Variants in TULP4 observed in about 807,000 individuals in gnomAD.
TULP4 encodes the protein TUB like protein 4.
TULP4 carries 16 observed loss-of-function variants against 129.0 expected under a neutral mutation model. That is an observed-to-expected ratio of 0.12 (90% CI 0.08 to 0.19). The LOEUF (loss-of-function observed/expected upper bound fraction) is 0.19, where lower values mean the gene tolerates loss of function less well. Ranked by LOEUF, TULP4 falls within the 10% of genes least tolerant of loss-of-function variation. The pLI is 1.00. For missense variants in TULP4, 1,842 were observed against 2,059.1 expected, an observed-to-expected ratio of 0.89 and a Z score of 2.04; for synonymous variants, 998 against 854.0, an observed-to-expected ratio of 1.17 and a Z score of -2.94.
chr6:158,277,208 TG>T (rs1778663154), intron 1 of TULP4, among the ~76,000 whole-genome samples: 1 of 152,330 alleles, frequency 6.6e-6, no homozygotes, highest in South Asian at 2.1e-4. Context: ...CCCAAAGTGC[TG>T]GGATTACAGG....
At chr6:158,365,558 G>C (rs1370485015) in intron 1 of TULP4, among the ~76,000 whole-genome samples, 3 of 150,550 alleles carry the variant, frequency 2.0e-5, no homozygotes, top group Non-Finnish European at 4.4e-5. Context: ...CTCACTGCAA[G>C]CTCCGCCTCG....
chr6:158,468,100 G>C (rs631637), intron 6 of TULP4, among the ~76,000 whole-genome samples: 63,538 of 152,056 alleles, frequency 0.42, 14,581 homozygotes, highest in African/African-American at 0.62. Context: ...CTGCTGAGTC[G>C]TGTAAACAGT....
chr6:158,460,501 T>C (rs115490524), intron 5 of TULP4, among the ~76,000 whole-genome samples: 1,654 of 152,334 alleles, frequency 0.011, 32 homozygotes, highest in African/African-American at 0.037. Flanking sequence ...GGCTTTTGTT[T>C]TACCAGCAAG....
intron 6 of TULP4, among the ~76,000 whole-genome samples, chr6:158,478,811 T>C (rs926581877): frequency 6.6e-6 from 1 of 152,328 alleles, no homozygotes; most frequent in East Asian, 1.9e-4. Context: ...GATTTTTTTT[T>C]ATTATAAGAA....
At chr6:158,257,667 G>A (rs1018973582) in intron 1 of TULP4, among the ~76,000 whole-genome samples, 7 of 152,336 alleles carry the variant, frequency 4.6e-5, no homozygotes, top group Middle Eastern at 6.8e-3. Context: ...GTGAATGGAG[G>A]TGCTGTGCCC....
At chr6:158,279,861 C>T (rs1347574687), upstream of TULP4, among the ~76,000 whole-genome samples, 1 of 152,222 alleles carries the variant, frequency 6.6e-6, no homozygotes, top group Non-Finnish European at 1.5e-5. Context: ...TGGAATTCAG[C>T]ATGTGAACCT....
intron 12 of TULP4, among the ~76,000 whole-genome samples, chr6:158,500,540 T>C (rs1780420959): frequency 6.6e-6 from 1 of 152,204 alleles, no homozygotes; most frequent in African/African-American, 2.4e-5. Flanking sequence ...CAGTGGCAGT[T>C]TTCTCTAAGG....
At chr6:158,393,108 C>T (rs998331097) in intron 1 of TULP4, among the ~76,000 whole-genome samples, 7 of 152,102 alleles carry the variant, frequency 4.6e-5, no homozygotes, top group South Asian at 2.1e-4. Context: ...GCTACAGGCC[C>T]CATGCAAGAC....
chr6:158,365,248 T>C (rs945146422), intron 1 of TULP4, among the ~76,000 whole-genome samples: 1 of 152,078 alleles, frequency 6.6e-6, no homozygotes, highest in Non-Finnish European at 1.5e-5. Flanking sequence ...AAGTGTTTTA[T>C]CTCTATTCTA....
chr6:158,375,812 G>A (rs921976789), intron 1 of TULP4, among the ~76,000 whole-genome samples: 1 of 152,218 alleles, frequency 6.6e-6, no homozygotes, highest in Non-Finnish European at 1.5e-5. Flanking sequence ...CCATGAACAA[G>A]AACCCAGGCT....
At chr6:158,492,794 C>T (rs1468238592) in intron 9 of TULP4, among the ~76,000 whole-genome samples, 1 of 152,150 alleles carries the variant, frequency 6.6e-6, no homozygotes, top group African/African-American at 2.4e-5. Flanking sequence ...CTGTTTTAAA[C>T]CTTACCATAC....
chr6:158,249,849 T>C (rs1449472527), intron 1 of TULP4, among the ~76,000 whole-genome samples: 1 of 152,256 alleles, frequency 6.6e-6, no homozygotes, highest in Non-Finnish European at 1.5e-5. Context: ...TTAAAATGCC[T>C]TGAAAAATTT....
chr6:158,241,393 C>T (rs953469517), intron 1 of TULP4, among the ~76,000 whole-genome samples: 3 of 139,564 alleles, frequency 2.1e-5, no homozygotes, highest in Non-Finnish European at 3.2e-5. Flanking sequence ...CCAAGGCAGG[C>T]GGCTGGGAGG....
intron 1 of TULP4, among the ~76,000 whole-genome samples, chr6:158,320,546 C>T (rs1278964895): frequency 6.6e-6 from 1 of 151,756 alleles, no homozygotes; most frequent in East Asian, 1.9e-4. Flanking sequence ...ATTTTTCTGC[C>T]TCAGCCTCCT....
At chr6:158,401,050 T>TTTGTTGTTGTTG (rs199720242) in intron 1 of TULP4, among the ~76,000 whole-genome samples, 36 of 147,208 alleles carry the variant, frequency 2.4e-4, no homozygotes, top group African/African-American at 7.8e-4. Flanking sequence ...GTTTGGGTTT[T>TTTGTTGTTGTTG]TTGTTGTTGT....
chr6:158,458,638 G>C (rs2115173482), intron 5 of TULP4, among the ~76,000 whole-genome samples: 1 of 152,322 alleles, frequency 6.6e-6, no homozygotes, highest in South Asian at 2.1e-4. Flanking sequence ...AAATAAGACA[G>C]ACATCATTTA....
intron 3 of TULP4, among the ~76,000 whole-genome samples, chr6:158,431,199 G>A (rs1283057094): frequency 1.3e-5 from 2 of 151,994 alleles, no homozygotes; most frequent in South Asian, 2.1e-4. Context: ...TCAGAAGTGC[G>A]TTGCATTAAG....
At chr6:158,267,730 G>A (rs1209384804) in intron 1 of TULP4, among the ~76,000 whole-genome samples, 1 of 152,156 alleles carries the variant, frequency 6.6e-6, no homozygotes, top group East Asian at 1.9e-4. Context: ...CCGTGTGGAT[G>A]TGGTGCAAGA....
intron 1 of TULP4, among the ~76,000 whole-genome samples, chr6:158,300,100 A>G (rs971369302): frequency 5.9e-5 from 9 of 152,174 alleles, no homozygotes; most frequent in African/African-American, 1.9e-4. Flanking sequence ...AGATCTCACC[A>G]GGTATGAAGG....
Sources: allele counts gnomAD v4.1 joint callset (sites outside exome capture counted in the v4.1 genomes callset), GRCh38; gene constraint gnomAD v4.1.1; transcripts MANE v1.5; gene names NCBI Gene and HGNC (gene_info 2026-07-23, HGNC 2026-07-21).